ARHGAP25: variants seen among roughly 807,000 people sequenced by gnomAD.
The protein encoded by ARHGAP25 is rho GTPase-activating protein 25.
A neutral mutation model predicts 71.0 loss-of-function variants in ARHGAP25; 34 were observed. That is an observed-to-expected ratio of 0.48 (90% CI 0.36 to 0.64). The LOEUF (loss-of-function observed/expected upper bound fraction) is 0.64. Among genes scored for constraint, ARHGAP25 ranks in the 30% least tolerant of loss-of-function variants. The pLI is 0.00. For synonymous variants in ARHGAP25, 282 were observed against 296.5 expected (o/e 0.95, Z 0.50); for missense variants, 706 against 805.1 (o/e 0.88, Z 1.49).
In ARHGAP25 at chr2:68,771,750, A is replaced by C. The variant is rs78636968; in HGVS notation, c.62-3471A>C. On this transcript the variant is annotated intron_variant, in intron 1 of 10. Transcript: ENST00000409202. ...GCAGTGTGGAACTTTGTACTGAGCT[A>C]TCCCCACTCTCTAACTTATAACAGG... 5.1e-4 allele frequency among the ~76,000 whole-genome samples: 77 copies of C among 152,350 alleles called. No homozygotes were observed. In the East Asian group the frequency reaches 0.014, roughly 28 times the overall value.
chr2:68,715,666 A>G (rs1232068765), intron 2 of ARHGAP25, among the ~76,000 whole-genome samples: 1 of 152,210 alleles, frequency 6.6e-6, no homozygotes, highest in Non-Finnish European at 1.5e-5. Flanking sequence ...AAGAACCTGG[A>G]TGCCTGAGGA....
Position 68,822,115 on chromosome 2 carries a change from A to C in ARHGAP25, c.1201-225A>C, listed in dbSNP as rs527739866. On this transcript the variant is annotated intron_variant, in intron 9 of 10. Transcript: ENST00000409202. ...CTTTAGGACTCTTTAACCACAAACA[A>C]ACACTTGATTTTGGTGAGACTTCAT... 7.9e-5 allele frequency among the ~76,000 whole-genome samples: 12 copies of C among 152,310 alleles called. No homozygotes were observed. In the South Asian group the frequency reaches 2.1e-3, roughly 26 times the overall value.
chr2:68,718,450 G>A (rs1471272196), intron 2 of ARHGAP25, among the ~76,000 whole-genome samples: 1 of 152,006 alleles, frequency 6.6e-6, no homozygotes, highest in African/African-American at 2.4e-5. Flanking sequence ...ATCCAGCATG[G>A]CATCCCCATC....
At chr2:68,787,124 T>C (rs1678812509) in intron 3 of ARHGAP25, among the ~76,000 whole-genome samples, 1 of 152,188 alleles carries the variant, frequency 6.6e-6, no homozygotes, top group African/African-American at 2.4e-5. Context: ...CCACATTCTT[T>C]CTCTTCGTCT....
intron 1 of ARHGAP25, 114 bp downstream of exon 1, chr2:68,735,374 T>C: frequency 8.8e-7 from 1 of 1,138,968 alleles, no homozygotes; most frequent in Non-Finnish European, 1.3e-6. Context: ...GCAGCAAATC[T>C]GAGTTTGAGG....
intron 5 of ARHGAP25, among the ~76,000 whole-genome samples, chr2:68,809,070 G>A (rs566399264): frequency 7.2e-5 from 11 of 152,274 alleles, no homozygotes; most frequent in African/African-American, 2.6e-4. Context: ...GAGAGGACAA[G>A]TCTGATTTGG....
intron 2 of ARHGAP25, among the ~76,000 whole-genome samples, chr2:68,717,238 T>C (rs1178428470): frequency 7.2e-5 from 11 of 152,198 alleles, no homozygotes; most frequent in Admixed American, 6.5e-4. Context: ...AATACAATAT[T>C]ATTATCTTAT....
chr2:68,713,437 T>C (rs1319283093), intron 2 of ARHGAP25, among the ~76,000 whole-genome samples: 1 of 152,218 alleles, frequency 6.6e-6, no homozygotes, highest in Non-Finnish European at 1.5e-5. Context: ...TATACAATCA[T>C]GTCATTTGCA....
intron 4 of ARHGAP25, among the ~76,000 whole-genome samples, chr2:68,788,904 A>C (rs1392867782): frequency 6.6e-6 from 1 of 152,190 alleles, no homozygotes; most frequent in Non-Finnish European, 1.5e-5. Context: ...ATATCACAAT[A>C]ATTTTGTGGA....
At chr2:68,722,571 C>G (rs1352702205) in intron 2 of ARHGAP25, among the ~76,000 whole-genome samples, 1 of 121,468 alleles carries the variant, frequency 8.2e-6, no homozygotes, top group Admixed American at 8.4e-5. Flanking sequence ...GAGCGAGACC[C>G]TGTCTGAAAA....
In ARHGAP25 at chr2:68,735,130, AAAGAC is replaced by A; in HGVS notation, c.-65_-61del. The A allele has an allele frequency of 7.6e-7, 1 of 1,308,292 alleles. No individual in the cohort carries two copies. Among genetic ancestry groups the A allele is most frequent in the Non-Finnish European group, 1.1e-6 (1 of 901,650 alleles). The allele number at this position is 1,308,292 out of a possible 1,614,324, so 81.0% of individuals were successfully genotyped here. On this transcript the variant is annotated 5_prime_UTR_variant, in exon 1 of 11. Coordinates refer to ENST00000409202, the MANE Select transcript of ARHGAP25 (RefSeq NM_001007231.3). ...ACACAAAAACAGAGGGAAAGAGTGA[AAAGAC>A]AAGAAGGGCGCAAACTGTGACAGAC...
chr2:68,816,417 C>T, intron 7 of ARHGAP25, 55 bp downstream of exon 7: 2 of 1,442,622 alleles, frequency 1.4e-6, no homozygotes, highest in Admixed American at 1.7e-5. Context: ...GAAAGAAGCT[C>T]CTAGTTAGAA....
In ARHGAP25 at chr2:68,734,892, T is replaced by C; in HGVS notation, c.-308T>C. 1 of 410,506 alleles carries C rather than the reference T, an allele frequency of 2.4e-6. No individual in the cohort carries two copies. The highest frequency in any genetic ancestry group is 4.4e-6 in the Non-Finnish European group (1 of 227,332). 25.4% of individuals were successfully genotyped at this position (410,506 alleles called of 1,614,324 possible). On this transcript the variant is annotated 5_prime_UTR_variant, in exon 1 of 11. Transcript: ENST00000409202. ...TTGCTTCCCATGACGCAGAGGGAAGTGTCAACTGGGATATTTCTGGTAAAA... is the reference window on the plus strand; with the variant it reads ...TTGCTTCCCATGACGCAGAGGGAAGCGTCAACTGGGATATTTCTGGTAAAA...
At chr2:68,774,995 A>G (rs983715691) in intron 1 of ARHGAP25, 5 of 1,446,336 alleles carry the variant, frequency 3.5e-6, no homozygotes, top group Non-Finnish European at 4.5e-6. Flanking sequence ...CACCGACTGC[A>G]GCCTGGGTTT....
intron 1 of ARHGAP25, among the ~76,000 whole-genome samples, chr2:68,768,937 C>A (rs560449772): frequency 3.3e-5 from 5 of 152,060 alleles, no homozygotes; most frequent in Non-Finnish European, 7.4e-5. Flanking sequence ...TCCTCAGGAC[C>A]CAAAATTGTT....
intron 1 of ARHGAP25, among the ~76,000 whole-genome samples, chr2:68,765,513 TC>T (rs1340108950): frequency 6.6e-6 from 1 of 152,228 alleles, no homozygotes; most frequent in Non-Finnish European, 1.5e-5. Flanking sequence ...ACAGAATATT[TC>T]GTCACATTGT....
At chr2:68,731,785 C>T (rs1675026826), upstream of ARHGAP25, among the ~76,000 whole-genome samples, 1 of 151,956 alleles carries the variant, frequency 6.6e-6, no homozygotes, top group Non-Finnish European at 1.5e-5. Flanking sequence ...CCTTCACTCC[C>T]CAAGTCCAGT....
intron 1 of ARHGAP25, among the ~76,000 whole-genome samples, chr2:68,749,393 C>G (rs1167876180): frequency 6.6e-6 from 1 of 152,222 alleles, no homozygotes; most frequent in Non-Finnish European, 1.5e-5. Context: ...CCTTCCCCAA[C>G]TGACTGCACC....
At chr2:68,769,864 G>A (rs1677370896) in intron 1 of ARHGAP25, among the ~76,000 whole-genome samples, 1 of 152,160 alleles carries the variant, frequency 6.6e-6, no homozygotes. Context: ...GAGCAGGATG[G>A]GCATGGAGAA....
Sources: gnomAD v4.1 joint callset for allele counts (sites outside exome capture counted in the v4.1 genomes callset) on GRCh38, gnomAD v4.1.1 for gene constraint, MANE v1.5 for transcripts, NCBI Gene and HGNC (gene_info 2026-07-23, HGNC 2026-07-21) for gene names.